Variants in SP140 observed in about 807,000 individuals in gnomAD.
The protein encoded by SP140 is SP140 nuclear body protein.
In SP140, 81 loss-of-function variants were observed where a neutral mutation model predicts 125.0. The observed-to-expected ratio is 0.65, with a 90% CI of 0.54 to 0.78. The LOEUF (loss-of-function observed/expected upper bound fraction) is 0.78, where lower values mean the gene tolerates loss of function less well. Among genes scored for constraint, SP140 ranks in the 30% least tolerant of loss-of-function variants. SP140 has a pLI of 0.00. For missense variants in SP140, 858 were observed against 1,037.0 expected (o/e 0.83, Z 2.37); for synonymous variants, 312 against 354.0 (o/e 0.88, Z 1.33).
At chr2:230,290,187 A>C (rs1212825217) in intron 18 of SP140, among the ~76,000 whole-genome samples, 1 of 152,166 alleles carries the variant, frequency 6.6e-6, no homozygotes, top group Non-Finnish European at 1.5e-5. Flanking sequence ...GAATCAGTGG[A>C]GCTTACGAGA....
chr2:230,251,840 T>C (rs949544121), intron 10 of SP140, among the ~76,000 whole-genome samples: 2 of 152,144 alleles, frequency 1.3e-5, no homozygotes, highest in Non-Finnish European at 2.9e-5. Flanking sequence ...GGGAAAGTGC[T>C]GTTATTGTTG....
At chr2:230,253,974 C>A (rs2050766791) in intron 11 of SP140, among the ~76,000 whole-genome samples, 1 of 151,930 alleles carries the variant, frequency 6.6e-6, no homozygotes, top group African/African-American at 2.4e-5. Flanking sequence ...TATATAAAAT[C>A]GTGGACATTT....
At chr2:230,265,087 G>T (rs1232094798) in intron 12 of SP140, among the ~76,000 whole-genome samples, 1 of 152,050 alleles carries the variant, frequency 6.6e-6, no homozygotes, top group Non-Finnish European at 1.5e-5. Flanking sequence ...GCCGTCAGGT[G>T]GGGGAGGGGC....
intron 1 of SP140, among the ~76,000 whole-genome samples, chr2:230,226,645 C>A (rs1233939392): frequency 6.6e-6 from 1 of 151,578 alleles, no homozygotes; most frequent in Non-Finnish European, 1.5e-5. Flanking sequence ...GCCTGTAATT[C>A]CAGCTACTCA....
At chr2:230,258,295 T>C (rs768568368) in intron 12 of SP140, among the ~76,000 whole-genome samples, 3 of 152,140 alleles carry the variant, frequency 2.0e-5, no homozygotes, top group Non-Finnish European at 2.9e-5. Flanking sequence ...AGTTATAGAG[T>C]TGCTAGATTG....
At chr2:230,279,926 G>GT (rs78689393) in intron 15 of SP140, among the ~76,000 whole-genome samples, 274 of 145,392 alleles carry the variant, frequency 1.9e-3, no homozygotes, top group East Asian at 9.1e-3. Flanking sequence ...AAACCAAGGT[G>GT]TTTTTTTTTT....
chr2:230,246,244 T>C (rs2049434845), intron 7 of SP140, among the ~76,000 whole-genome samples: 1 of 152,126 alleles, frequency 6.6e-6, no homozygotes. Context: ...CTCAGACTGG[T>C]TGGGGCTTTC....
intron 15 of SP140, among the ~76,000 whole-genome samples, chr2:230,274,111 T>TA (rs34151475): frequency 1.0e-3 from 141 of 141,622 alleles, no homozygotes; most frequent in East Asian, 2.1e-3. Flanking sequence ...ACTTAAAGTA[T>TA]AAAAAAAAAA....
At chr2:230,245,127 T>C in intron 6 of SP140, 47 bp downstream of exon 6, 1 of 1,257,864 alleles carries the variant, frequency 7.9e-7, no homozygotes, top group Non-Finnish European at 1.2e-6. Flanking sequence ...TTAGTTGGCC[T>C]ATCTCTATGC....
the SP140 span, among the ~76,000 whole-genome samples, chr2:230,188,732 T>G: frequency 6.6e-6 from 1 of 152,228 alleles, no homozygotes; most frequent in Non-Finnish European, 1.5e-5. Context: ...TTTCTGCATC[T>G]ATTGAAATGA....
At chr2:230,290,173 A>G (rs2056950325) in intron 18 of SP140, among the ~76,000 whole-genome samples, 1 of 152,194 alleles carries the variant, frequency 6.6e-6, no homozygotes, top group African/African-American at 2.4e-5. Flanking sequence ...TCATTGTCAT[A>G]TAAGAATCAG....
In SP140 at chr2:230,312,809, C is replaced by G. The variant is rs373791941; in HGVS notation, c.*125C>G. Reference sequence around the variant, plus strand: ...TGCAGGGAGGGGCTTTTCTCTGAGCCTCCTTCATCTGCCCAAAGACAAATC... The same window carrying G: ...TGCAGGGAGGGGCTTTTCTCTGAGCGTCCTTCATCTGCCCAAAGACAAATC... On this transcript the variant is annotated 3_prime_UTR_variant, in exon 27 of 27. Coordinates refer to ENST00000392045, the MANE Select transcript of SP140 (RefSeq NM_007237.5). 2 of 673,570 alleles carry G rather than the reference C, an allele frequency of 3.0e-6. No homozygotes were observed. Among genetic ancestry groups the G allele is most frequent in the Non-Finnish European group, 5.3e-6 (2 of 378,240 alleles). The allele number at this position is 673,570 out of a possible 1,614,324, so 41.7% of individuals were successfully genotyped here.
chr2:230,306,901 A>G (rs1460455540), intron 22 of SP140, among the ~76,000 whole-genome samples: 2 of 152,284 alleles, frequency 1.3e-5, no homozygotes, highest in East Asian at 1.9e-4. Context: ...CCTTCAGGCA[A>G]GAGAGGGCCT....
At chr2:230,214,428 A>G (rs1317532153) in intron 3 of SP140, among the ~76,000 whole-genome samples, 1 of 152,208 alleles carries the variant, frequency 6.6e-6, no homozygotes, top group African/African-American at 2.4e-5. Flanking sequence ...TTAACCAACA[A>G]GTAATTTTGG....
upstream of SP140, chr2:230,202,951 T>C (rs2043326309): frequency 8.6e-6 from 5 of 578,764 alleles, no homozygotes; most frequent in East Asian, 3.0e-5. Context: ...TCACTCCTGG[T>C]ATGACCTGTT....
At chr2:230,200,765 G>C, upstream of SP140, 1 of 791,272 alleles carries the variant, frequency 1.3e-6, no homozygotes, top group South Asian at 1.5e-5. Flanking sequence ...AATCCAGAAG[G>C]GCTCTCTAGC....
At chr2:230,304,752 A>G (rs1223609117) in intron 22 of SP140, among the ~76,000 whole-genome samples, 2 of 152,250 alleles carry the variant, frequency 1.3e-5, no homozygotes, top group African/African-American at 4.8e-5. Flanking sequence ...TTATACAAAA[A>G]TCAACTAAAG....
intron 12 of SP140, among the ~76,000 whole-genome samples, chr2:230,265,322 C>T (rs1363521570): frequency 1.3e-5 from 2 of 152,096 alleles, no homozygotes; most frequent in African/African-American, 2.4e-5. Flanking sequence ...CCATGCCCCG[C>T]CCCAACAGCC....
In SP140 at chr2:230,269,175, T is replaced by G. The variant is rs1042243800; in HGVS notation, c.1241-357T>G. On this transcript the variant is annotated intron_variant, in intron 12 of 26. Transcript: ENST00000392045. ...AGAACTGCCAGTAATGGGCTCGCTT[T>G]CAGAAATGTGACTGGGGATATAAGT... is the stretch of plus-strand genomic sequence containing the variant. Among the ~76,000 whole-genome samples the G allele has an allele frequency of 3.9e-5, 6 of 152,298 alleles. No individual in the cohort carries two copies. In the East Asian group the frequency reaches 1.2e-3, roughly 29 times the overall value.
Sources: gnomAD v4.1 joint callset for allele counts (sites outside exome capture counted in the v4.1 genomes callset) on GRCh38, gnomAD v4.1.1 for gene constraint, MANE v1.5 for transcripts, NCBI Gene and HGNC (gene_info 2026-07-23, HGNC 2026-07-21) for gene names.